Variants in CSTF3 observed in about 807,000 individuals in gnomAD.
CSTF3 encodes CF-1 77 kDa subunit.
A neutral mutation model predicts 105.8 loss-of-function variants in CSTF3; 29 were observed. That is an observed-to-expected ratio of 0.27 (90% CI 0.20 to 0.37). CSTF3 has a LOEUF of 0.37. Ranked by LOEUF, CSTF3 falls within the 10% of genes least tolerant of loss-of-function variation. CSTF3 has a pLI of 1.00. For missense variants in CSTF3, 357 were observed against 879.3 expected (o/e 0.41, Z 7.51); for synonymous variants, 252 against 281.9 (o/e 0.89, Z 1.06).
At chr11:33,160,264 A>G (rs955121252) in intron 1 of CSTF3, among the ~76,000 whole-genome samples, 3 of 152,180 alleles carry the variant, frequency 2.0e-5, no homozygotes, top group African/African-American at 7.2e-5. Flanking sequence ...CTGCCGACAT[A>G]ATGAAATCTA....
At chr11:33,088,364 A>G (rs1315256330) in intron 17 of CSTF3, among the ~76,000 whole-genome samples, 1 of 149,172 alleles carries the variant, frequency 6.7e-6, no homozygotes, top group Non-Finnish European at 1.5e-5. Context: ...TTGGCTCACT[A>G]CAACCTCCTG....
intron 15 of CSTF3, among the ~76,000 whole-genome samples, chr11:33,094,322 C>A (rs1390465606): frequency 6.6e-6 from 1 of 152,194 alleles, no homozygotes; most frequent in African/African-American, 2.4e-5. Context: ...ATACACCTAA[C>A]CTCAGAACTA....
chr11:33,121,579 T>C (rs932121425), intron 3 of CSTF3, among the ~76,000 whole-genome samples: 1 of 152,190 alleles, frequency 6.6e-6, no homozygotes, highest in African/African-American at 2.4e-5. Context: ...TAAGTTCAAA[T>C]GCTATATGGA....
chr11:33,089,948 C>T (rs996610054), intron 17 of CSTF3, among the ~76,000 whole-genome samples: 3 of 152,148 alleles, frequency 2.0e-5, no homozygotes, highest in African/African-American at 7.2e-5. Flanking sequence ...TGAACAGGTT[C>T]AGGTGCCAGA....
chr11:33,105,973 A>G, intron 6 of CSTF3, 25 bp downstream of exon 6: 1 of 1,587,598 alleles, frequency 6.3e-7, no homozygotes, highest in Non-Finnish European at 8.6e-7. Flanking sequence ...ATTTAAGTGC[A>G]TACATTAAAA....
intron 3 of CSTF3, among the ~76,000 whole-genome samples, chr11:33,127,982 T>G (rs1252349933): frequency 6.6e-6 from 1 of 152,214 alleles, no homozygotes; most frequent in Non-Finnish European, 1.5e-5. Flanking sequence ...TTTCCATTTT[T>G]TCATTTAAAA....
Position 33,099,299 on chromosome 11 carries a change from A to G in CSTF3, c.937-149T>C. 9.9e-7 allele frequency: 1 copy of G among 1,012,780 alleles called. No homozygotes were observed. Among genetic ancestry groups the G allele is most frequent in the Non-Finnish European group, 1.4e-6 (1 of 713,268 alleles). 62.7% of individuals were successfully genotyped at this position (1,012,780 alleles called of 1,614,324 possible). A position where few individuals can be genotyped will look rare whatever the true frequency, so the allele number is the denominator to read the frequency against. ...CACATATATATGTATCCACACACAC[A>G]CATACATAAACACATATGCATTTCT... On this transcript the variant is annotated intron_variant, in intron 11 of 20. Transcript: ENST00000323959. This position sits in a 1 kb window ranked among gnomAD's most constrained non-coding sequence, Gnocchi z 4.1.
rs746228185 is a variant in CSTF3 at position 33,085,126 on chromosome 11, A to G, written c.2115T>C (p.His705=). Residue 705 remains histidine, a synonymous_variant, in exon 21 of 21, where the codon CAT becomes CAC. Coordinates refer to ENST00000323959, the MANE Select transcript of CSTF3 (RefSeq NM_001326.3). ...EEKGAVVPPV[H]DIYRARQQKR... ...TCTGCTGCCGTGCTCTGTAAATGTC[A>G]TGAACAGGGGGGACAACGGCTCCCT... 2 of 1,614,162 alleles carry G rather than the reference A, an allele frequency of 1.2e-6. No individual in the cohort carries two copies. The highest frequency in any genetic ancestry group is 1.7e-6 in the Non-Finnish European group (2 of 1,180,014).
At position 33,099,289 on chromosome 11, in the gene CSTF3, C is replaced by CCA. The variant is rs111434204; in HGVS notation, c.937-141_937-140dup. 4.8e-6 allele frequency: 5 copies of CCA among 1,051,476 alleles called. No homozygotes were observed. The highest frequency in any genetic ancestry group is 3.2e-4 in the Middle Eastern group (1 of 3,106). 65.1% of individuals were successfully genotyped at this position (1,051,476 alleles called of 1,614,324 possible). ...TGTATGTACACACATATATATGTAT[C>CCA]CACACACACACATACATAAACACAT... On this transcript the variant is annotated intron_variant, in intron 11 of 20. Coordinates refer to ENST00000323959, the MANE Select transcript of CSTF3 (RefSeq NM_001326.3). The surrounding 1 kb of genome is among the most constrained non-coding windows in gnomAD (Gnocchi z 4.1).
At chr11:33,107,837 A>G in intron 5 of CSTF3, 66 bp downstream of exon 5, 1 of 870,676 alleles carries the variant, frequency 1.1e-6, no homozygotes, top group Non-Finnish European at 1.8e-6. Context: ...AGAAGGTGTG[A>G]GTTTATGTGG....
Position 33,099,424 on chromosome 11 carries a change from C to G in CSTF3, c.936+184G>C, listed in dbSNP as rs781153589. On this transcript the variant is annotated intron_variant, in intron 11 of 20. Coordinates refer to ENST00000323959, the MANE Select transcript of CSTF3 (RefSeq NM_001326.3). The surrounding 1 kb of genome is among the most constrained non-coding windows in gnomAD (Gnocchi z 4.1). ...TTCATTACTTTGATACGTTAAAAAA[C>G]TGCCAGTTTATTTTAATTCTAAGGA... 6.6e-6 allele frequency among the ~76,000 whole-genome samples: 1 copy of G among 152,138 alleles called. No individual in the cohort carries two copies. The highest frequency in any genetic ancestry group is 1.5e-5 in the Non-Finnish European group (1 of 68,022).
intron 1 of CSTF3, among the ~76,000 whole-genome samples, chr11:33,144,132 T>C (rs1264802340): frequency 5.1e-5 from 5 of 97,828 alleles, no homozygotes; most frequent in East Asian, 3.0e-4. Context: ...CCACTCCCCC[T>C]TTTTTTTAGT....
At chr11:33,144,916 C>A in intron 1 of CSTF3, 1 of 232,698 alleles carries the variant, frequency 4.3e-6, no homozygotes. Context: ...GGAGAAGTTG[C>A]AGGGAACTGA....
At chr11:33,149,811 G>A (rs1424613480) in intron 1 of CSTF3, among the ~76,000 whole-genome samples, 1 of 152,168 alleles carries the variant, frequency 6.6e-6, no homozygotes, top group Non-Finnish European at 1.5e-5. Flanking sequence ...CTGAGGTCAG[G>A]AGTTCAAGAC....
chr11:33,145,493 T>C (rs1031181034), intron 1 of CSTF3, among the ~76,000 whole-genome samples: 3 of 152,040 alleles, frequency 2.0e-5, no homozygotes, highest in African/African-American at 7.2e-5. Context: ...AGTTTATAAT[T>C]AACTTTTTAA....
chr11:33,144,399 A>G (rs964625431), intron 1 of CSTF3, among the ~76,000 whole-genome samples: 17 of 152,258 alleles, frequency 1.1e-4, no homozygotes, highest in African/African-American at 4.1e-4. Context: ...CTAAAGCTGT[A>G]AAGTTTATAA....
At chr11:33,116,014 T>A (rs751889057) in intron 3 of CSTF3, among the ~76,000 whole-genome samples, 27 of 152,190 alleles carry the variant, frequency 1.8e-4, no homozygotes, top group Admixed American at 1.8e-3. Flanking sequence ...CCTATAAACT[T>A]TCAATTATCC....
At chr11:33,104,607 A>G (rs945410552) in intron 8 of CSTF3, among the ~76,000 whole-genome samples, 1 of 152,074 alleles carries the variant, frequency 6.6e-6, no homozygotes, top group Non-Finnish European at 1.5e-5. Context: ...CCCCATCTCT[A>G]CAAAAAATTA....
chr11:33,115,438 C>T (rs1649951295), intron 3 of CSTF3, among the ~76,000 whole-genome samples: 1 of 152,180 alleles, frequency 6.6e-6, no homozygotes, highest in Non-Finnish European at 1.5e-5. Context: ...TTAAGATCTA[C>T]AAACAGGCTT....
Sources: allele counts gnomAD v4.1 joint callset (sites outside exome capture counted in the v4.1 genomes callset), GRCh38; gene constraint gnomAD v4.1.1; non-coding constraint Gnocchi (gnomAD v3.1); transcripts MANE v1.5; gene names NCBI Gene and HGNC (gene_info 2026-07-23, HGNC 2026-07-21).